Variants in N4BP2L2 observed in about 807,000 individuals in gnomAD.
N4BP2L2 encodes the protein NEDD4 binding protein 2 like 2.
In N4BP2L2, 50 loss-of-function variants were observed where a neutral mutation model predicts 56.2. The observed-to-expected ratio is 0.89, with a 90% CI of 0.71 to 1.13. The LOEUF (loss-of-function observed/expected upper bound fraction) is 1.13. Among genes scored for constraint, N4BP2L2 ranks in the 50% most tolerant of loss-of-function variants. The pLI, the probability that N4BP2L2 is intolerant of heterozygous loss-of-function variation, is 0.00. For missense variants in N4BP2L2, 689 were observed against 693.8 expected, an observed-to-expected ratio of 0.99 and a Z score of 0.08; for synonymous variants, 203 against 223.6, an observed-to-expected ratio of 0.91 and a Z score of 0.82.
At position 32,536,524 on chromosome 13, in the gene N4BP2L2, A is replaced by G. The variant is rs367557263; in HGVS notation, c.504T>C (p.Ile168=). 10 of 1,613,888 alleles carry G rather than the reference A, an allele frequency of 6.2e-6. No homozygotes were observed. In the African/African-American group the frequency reaches 1.3e-4, roughly 22 times the overall value. Residue 168 remains isoleucine, a synonymous_variant, in exon 2 of 6, where the codon ATT becomes ATC. Coordinates refer to ENST00000267068, the Ensembl canonical transcript of N4BP2L2. ...TGTAAAACTGGAATAATTCATTGTC[A>G]ATCTCTGATTTTTCAGAGTTAAATT...
intron 6 of N4BP2L2, among the ~76,000 whole-genome samples, chr13:32,456,175 C>G (rs536667136): frequency 6.6e-6 from 1 of 152,330 alleles, no homozygotes; most frequent in South Asian, 2.1e-4. Flanking sequence ...GGCCTGAGGA[C>G]TGAGGACTTG....
At chr13:32,474,526 CT>C (rs1367146724) in intron 6 of N4BP2L2, among the ~76,000 whole-genome samples, 2 of 128,802 alleles carry the variant, frequency 1.6e-5, no homozygotes, top group Non-Finnish European at 3.6e-5. Context: ...CCTGTCTCTA[CT>C]AAAAAAAAAA....
rs1323020278 is a variant in N4BP2L2 at position 32,521,463 on chromosome 13, A to AG, written c.1474-15dup. The AG allele has an allele frequency of 6.3e-7, 1 of 1,578,424 alleles. No homozygotes were observed. The highest frequency in any genetic ancestry group is 8.6e-7 in the Non-Finnish European group (1 of 1,164,444). On this transcript the variant is annotated splice_polypyrimidine_tract_variant and intron_variant, in intron 4 of 5. Coordinates refer to ENST00000267068, the Ensembl canonical transcript of N4BP2L2. ...TTTTCCTATGGCCTACACAAAGGAA[A>AG]GGAAGAAAACAAAAACCCAGAGAAG...
chr13:32,518,957 G>A (rs2049991726), intron 5 of N4BP2L2, among the ~76,000 whole-genome samples: 1 of 151,970 alleles, frequency 6.6e-6, no homozygotes, highest in South Asian at 2.1e-4. Context: ...AACTTGACCT[G>A]GACATGACAA....
exon 4 of N4BP2L2, chr13:32,522,198 T>G: frequency 6.4e-7 from 1 of 1,561,416 alleles, no homozygotes; most frequent in Admixed American, 1.9e-5. Flanking sequence ...CACATATGGC[T>G]TCATTTCCCA....
Position 32,443,872 on chromosome 13 carries a change from T to C in N4BP2L2, c.620A>G (p.Tyr207Cys), listed in dbSNP as rs751561080. 4.5e-6 allele frequency: 7 copies of C among 1,571,462 alleles called. No homozygotes were observed. The Admixed American group carries it at 1.2e-4, about 26-fold the overall frequency. The change falls in exon 7 of 10, where the codon TAT becomes TGT. Residue 207 changes from tyrosine (Y) to cysteine (C), a missense_variant. Transcript: ENST00000357505. ...TTTATTTTTCCATCTTTTTTCTTTA[T>C]ATCCAGTCACAAAATCTCCGACTTC...
chr13:32,516,168 C>T (rs539171469), exon 6 of N4BP2L2: 15 of 152,228 alleles, frequency 9.9e-5, no homozygotes, highest in African/African-American at 3.4e-4. Flanking sequence ...TTTCAAACTG[C>T]GCTAATCTAC....
intron 3 of N4BP2L2, chr13:32,523,620 G>A (rs1359858938): frequency 2.1e-5 from 3 of 142,346 alleles, no homozygotes; most frequent in Admixed American, 6.8e-5. Context: ...GGAGGCGGAG[G>A]TTGCAGTGAG....
intron 6 of N4BP2L2, among the ~76,000 whole-genome samples, chr13:32,467,261 ATT>A (rs111268635): frequency 7.7e-5 from 11 of 142,246 alleles, no homozygotes; most frequent in African/African-American, 1.3e-4. Context: ...AGAGAGGGGC[ATT>A]TTTTTTTTTT....
At chr13:32,535,714 T>C in intron 2 of N4BP2L2, 55 bp downstream of exon 2, 4 of 1,541,042 alleles carry the variant, frequency 2.6e-6, no homozygotes, top group Non-Finnish European at 3.5e-6. Flanking sequence ...ACAAATATCA[T>C]TTATAATTTT....
At chr13:32,476,796 T>G (rs945094208) in intron 6 of N4BP2L2, among the ~76,000 whole-genome samples, 2 of 152,186 alleles carry the variant, frequency 1.3e-5, no homozygotes, top group African/African-American at 4.8e-5. Context: ...ACTTCTAAAC[T>G]GACTGTAGGG....
chr13:32,447,174 G>A (rs1200809376), intron 6 of N4BP2L2, among the ~76,000 whole-genome samples: 2 of 152,190 alleles, frequency 1.3e-5, no homozygotes, highest in African/African-American at 4.8e-5. Flanking sequence ...CCTGACTCCT[G>A]TTATCACTAA....
chr13:32,520,432 G>A (rs1175255865), intron 5 of N4BP2L2, among the ~76,000 whole-genome samples: 1 of 151,724 alleles, frequency 6.6e-6, no homozygotes, highest in East Asian at 1.9e-4. Context: ...AGCAAGGTGG[G>A]CAGATCACGA....
chr13:32,524,296 G>A (rs2051987549), intron 3 of N4BP2L2: 3 of 152,312 alleles, frequency 2.0e-5, no homozygotes, highest in Admixed American at 1.3e-4. Context: ...TTCTCCTAAT[G>A]TCTGATAGGC....
chr13:32,526,949 A>T (rs542820514), intron 3 of N4BP2L2: 1 of 149,544 alleles, frequency 6.7e-6, no homozygotes, highest in East Asian at 2.0e-4. Context: ...AAAATGTATT[A>T]AGTAGGTTTC....
intron 6 of N4BP2L2, among the ~76,000 whole-genome samples, chr13:32,463,681 A>G (rs867232928): frequency 7.4e-4 from 109 of 147,974 alleles, no homozygotes; most frequent in African/African-American, 1.8e-3. Flanking sequence ...AAAAAAAAAA[A>G]GGGGGCACTT....
chr13:32,481,118 C>CAAAAAAAA lies in N4BP2L2; in HGVS notation c.365+36731_365+36738dup, dbSNP rs60854435. 2.6e-3 allele frequency among the ~76,000 whole-genome samples: 54 copies of CAAAAAAAA among 20,712 alleles called. 14 individuals carry two copies. The highest frequency in any genetic ancestry group is 9.4e-3 in the African/African-American group (51 of 5,406). The allele number at this position is 20,712 out of a possible 152,430, so 13.6% of individuals were successfully genotyped here. On this transcript the variant is annotated intron_variant, in intron 6 of 9. Coordinates refer to the N4BP2L2 transcript ENST00000357505. Reference sequence around the variant, plus strand: ...TCAGCAACAGAGTGAGACTCTGTCTCAAAAAAAAAAAAAAAAAAAAAAAAA... The same window carrying CAAAAAAAA: ...TCAGCAACAGAGTGAGACTCTGTCTCAAAAAAAAAAAAAAAAAAAAAAAAAAAAAAAAA...
chr13:32,456,892 T>C (rs1593520252), intron 6 of N4BP2L2, among the ~76,000 whole-genome samples: 2 of 152,198 alleles, frequency 1.3e-5, no homozygotes, highest in Admixed American at 1.3e-4. Flanking sequence ...TCCCAGCACC[T>C]TGGGAGGCTG....
At chr13:32,495,233 A>G (rs2088267208) in intron 6 of N4BP2L2, among the ~76,000 whole-genome samples, 1 of 152,196 alleles carries the variant, frequency 6.6e-6, no homozygotes, top group African/African-American at 2.4e-5. Flanking sequence ...TTGTTAAAAT[A>G]CTGAAATTCT....
Sources: gnomAD v4.1 joint callset for allele counts (sites outside exome capture counted in the v4.1 genomes callset) on GRCh38, gnomAD v4.1.1 for gene constraint, MANE v1.5 for transcripts, NCBI Gene and HGNC (gene_info 2026-07-23, HGNC 2026-07-21) for gene names.